Variants in ACVR1 observed in about 807,000 individuals in gnomAD.
The protein encoded by ACVR1 is activin A receptor type 1.
In ACVR1, 38 loss-of-function variants were observed where a neutral mutation model predicts 57.1. The observed-to-expected ratio is 0.67, with a 90% CI of 0.51 to 0.87. The LOEUF (loss-of-function observed/expected upper bound fraction) is 0.87. ACVR1 is among the 40% of genes least tolerant of loss of function. The pLI is 0.00. For missense variants in ACVR1, 463 were observed against 638.2 expected (o/e 0.73, Z 2.96); for synonymous variants, 212 against 228.1 (o/e 0.93, Z 0.63).
At chr2:157,786,687 A>G (rs1028774708) in intron 3 of ACVR1, among the ~76,000 whole-genome samples, 1 of 152,212 alleles carries the variant, frequency 6.6e-6, no homozygotes, top group Non-Finnish European at 1.5e-5. Context: ...ACTATTTAAT[A>G]CATTAATAGA....
At chr2:157,796,292 C>G (rs1395672561) in intron 3 of ACVR1, among the ~76,000 whole-genome samples, 1 of 151,952 alleles carries the variant, frequency 6.6e-6, no homozygotes, top group African/African-American at 2.4e-5. Flanking sequence ...TGGCTCAAGC[C>G]TATAATCTCA....
intron 1 of ACVR1, among the ~76,000 whole-genome samples, chr2:157,866,297 G>A (rs1014404351): frequency 7.9e-5 from 12 of 152,054 alleles, no homozygotes; most frequent in African/African-American, 2.2e-4. Flanking sequence ...CAGATTCACC[G>A]CACTTGGGCT....
chr2:157,761,998 A>G (rs1276501865), intron 8 of ACVR1, among the ~76,000 whole-genome samples: 1 of 152,146 alleles, frequency 6.6e-6, no homozygotes, highest in Non-Finnish European at 1.5e-5. Context: ...AATGTGGGGG[A>G]TGACAATTTC....
chr2:157,828,677 T>C (rs1009045317), intron 1 of ACVR1, among the ~76,000 whole-genome samples: 2 of 152,140 alleles, frequency 1.3e-5, no homozygotes, highest in Non-Finnish European at 2.9e-5. Flanking sequence ...AACCCACTAA[T>C]TAAAGAAAAA....
chr2:157,841,231 T>C (rs758049407), intron 1 of ACVR1, among the ~76,000 whole-genome samples: 20 of 151,982 alleles, frequency 1.3e-4, no homozygotes, highest in Non-Finnish European at 2.5e-4. Context: ...AAAAAAACTA[T>C]AGAATACACA....
intron 1 of ACVR1, among the ~76,000 whole-genome samples, chr2:157,839,739 G>C (rs113927470): frequency 1.3e-5 from 2 of 152,096 alleles, no homozygotes; most frequent in Non-Finnish European, 2.9e-5. Flanking sequence ...CTGCTTCTGG[G>C]GGATGCCAGA....
chr2:157,789,259 G>A (rs1345575528), intron 3 of ACVR1, among the ~76,000 whole-genome samples: 1 of 152,182 alleles, frequency 6.6e-6, no homozygotes, highest in African/African-American at 2.4e-5. Flanking sequence ...AGCTGAACTG[G>A]CTTTTCAAAC....
At chr2:157,863,011 CTTTTTTTTTTT>C (rs374223805) in intron 1 of ACVR1, among the ~76,000 whole-genome samples, 11 of 62,332 alleles carry the variant, frequency 1.8e-4, no homozygotes, top group African/African-American at 2.9e-4. Flanking sequence ...AGAACATTTA[CTTTTTTTTTTT>C]TTTTTTTTTT....
intron 1 of ACVR1, among the ~76,000 whole-genome samples, chr2:157,823,039 A>G (rs1688213767): frequency 1.3e-5 from 2 of 152,258 alleles, no homozygotes; most frequent in Middle Eastern, 6.3e-3. Flanking sequence ...ATTTGCAAGG[A>G]TGACACATCA....
Position 157,780,749 on chromosome 2 carries a change from G to A in ACVR1, c.68-149C>T, listed in dbSNP as rs889502354. On this transcript the variant is annotated intron_variant, in intron 3 of 10. Coordinates refer to ENST00000434821, the MANE Select transcript of ACVR1 (RefSeq NM_001111067.4). The stretch of plus-strand genomic sequence containing the variant: ...CCATCAACCATGAGGTCCACATTCT[G>A]TCACCTTGTCACCTAACCAACCAAC... 5.7e-6 allele frequency: 5 copies of A among 875,636 alleles called. No individual in the cohort carries two copies. The African/African-American group carries it at 6.8e-5, about 12-fold the overall frequency. The allele number at this position is 875,636 out of a possible 1,614,324, so 54.2% of individuals were successfully genotyped here. A position where few individuals can be genotyped will look rare whatever the true frequency, so the allele number is the denominator to read the frequency against.
intron 1 of ACVR1, among the ~76,000 whole-genome samples, chr2:157,850,118 G>A (rs893158905): frequency 3.9e-5 from 6 of 152,250 alleles, no homozygotes; most frequent in Admixed American, 1.3e-4. Context: ...GGCCGGGTGC[G>A]GTGGCTCATG....
chr2:157,780,399 G>A lies in ACVR1; in HGVS notation c.269C>T (p.Ala90Val). The change falls in exon 4 of 11, where the codon GCC (alanine) becomes GTC (valine). Residue 90 changes from alanine to valine, a missense_variant. Physicochemically the swap from Ala to Val is moderately conservative, Grantham distance 64. Around this residue, in one of 3 missense-constraint regions of ACVR1, gnomAD observed 203 missense variants for 235.5 expected, o/e 0.86. Transcript: ENST00000434821. ...TCKTPPSPGQ[A>V]VECCQGDWCN... ...CCAGTCCCCTTGGCAGCACTCCACG[G>A]CTTGGCCAGGGGACGGCGGGGTCTT... The A allele has an allele frequency of 6.2e-7, 1 of 1,614,162 alleles. No homozygotes were observed. Among genetic ancestry groups the A allele is most frequent in the Non-Finnish European group, 8.5e-7 (1 of 1,180,012 alleles).
rs1452817381 is a variant in ACVR1 at position 157,876,068 on chromosome 2, C to T, written c.-455G>A. On this transcript the variant is annotated 5_prime_UTR_variant, in exon 1 of 11. Transcript: ENST00000434821. ...TGGCCGAGGAGCAGGCTGGCAGCGG[C>T]AGCGGCGGCAGCGGCAGCCACCCGG... Among the ~76,000 whole-genome samples, 16 of 142,676 alleles carry T rather than the reference C, an allele frequency of 1.1e-4. No individual in the cohort carries two copies. The East Asian group carries it at 3.3e-3, about 30-fold the overall frequency. 93.6% of individuals were successfully genotyped at this position (142,676 alleles called of 152,430 possible).
At chr2:157,843,482 T>C (rs1689037173) in intron 1 of ACVR1, among the ~76,000 whole-genome samples, 1 of 152,252 alleles carries the variant, frequency 6.6e-6, no homozygotes, top group East Asian at 1.9e-4. Context: ...AATGACATAA[T>C]AGCAATTATC....
chr2:157,827,008 T>C (rs545950149), intron 1 of ACVR1, among the ~76,000 whole-genome samples: 25 of 151,630 alleles, frequency 1.6e-4, no homozygotes, highest in Non-Finnish European at 2.9e-4. Context: ...CTCATAAACT[T>C]GGTAAAGAAA....
At chr2:157,779,081 G>C (rs1210282825) in intron 4 of ACVR1, among the ~76,000 whole-genome samples, 1 of 152,080 alleles carries the variant, frequency 6.6e-6, no homozygotes, top group Non-Finnish European at 1.5e-5. Context: ...ATTTGCATGA[G>C]AAAGTGTAAA....
intron 9 of ACVR1, 115 bp downstream of exon 9, chr2:157,760,765 G>A (rs771800352): frequency 2.6e-5 from 27 of 1,052,930 alleles, no homozygotes; most frequent in Non-Finnish European, 3.5e-5. Context: ...CCTATAACTC[G>A]ACACGTACGA....
At chr2:157,813,743 G>C (rs1357267752) in intron 2 of ACVR1, among the ~76,000 whole-genome samples, 1 of 152,204 alleles carries the variant, frequency 6.6e-6, no homozygotes, top group East Asian at 1.9e-4. Flanking sequence ...GTTAAGTGAA[G>C]AAAAAATAAA....
intron 8 of ACVR1, among the ~76,000 whole-genome samples, chr2:157,764,505 G>A (rs938770560): frequency 5.3e-5 from 8 of 151,836 alleles, no homozygotes; most frequent in Non-Finnish European, 1.2e-4. Flanking sequence ...ACCGCGCCCG[G>A]CCACGATCAC....
Sources: allele counts gnomAD v4.1 joint callset (sites outside exome capture counted in the v4.1 genomes callset), GRCh38; gene constraint gnomAD v4.1.1; regional missense constraint gnomAD v4.1.1; transcripts MANE v1.5; gene names NCBI Gene and HGNC (gene_info 2026-07-23, HGNC 2026-07-21).